The following LRP1B variants were observed in gnomAD, a reference collection of about 807,000 sequenced individuals.
LRP1B encodes LDL receptor related protein 1B.
Under a neutral mutation model 556.6 loss-of-function variants are expected in LRP1B, and 217 were observed. That is an observed-to-expected ratio of 0.39 (90% CI 0.35 to 0.44). LRP1B has a LOEUF of 0.44. Ranked by LOEUF, LRP1B falls within the 20% of genes least tolerant of loss-of-function variation. The pLI is 1.00. For missense variants in LRP1B, 5,053 were observed against 5,620.8 expected, an observed-to-expected ratio of 0.90 and a Z score of 3.23; for synonymous variants, 2,047 against 1,865.8, an observed-to-expected ratio of 1.10 and a Z score of -2.50.
intron 7 of LRP1B, among the ~76,000 whole-genome samples, chr2:141,086,561 A>T (rs1393604393): frequency 1.3e-5 from 2 of 152,194 alleles, no homozygotes; most frequent in African/African-American, 4.8e-5. Context: ...AGGTAAAAAT[A>T]AAAACATTTA....
intron 3 of LRP1B, among the ~76,000 whole-genome samples, chr2:141,303,701 C>T (rs1686479317): frequency 6.6e-6 from 1 of 152,122 alleles, no homozygotes; most frequent in South Asian, 2.1e-4. Flanking sequence ...CACAGCCTTG[C>T]TATTGTTAAT....
chr2:142,076,250 G>A (rs1342260695), intron 1 of LRP1B, among the ~76,000 whole-genome samples: 2 of 151,976 alleles, frequency 1.3e-5, no homozygotes, highest in African/African-American at 4.8e-5. Flanking sequence ...TTCCAAATGA[G>A]GGACATTTGC....
intron 35 of LRP1B, among the ~76,000 whole-genome samples, chr2:140,747,635 A>G (rs1688362397): frequency 6.6e-6 from 1 of 152,144 alleles, no homozygotes; most frequent in Non-Finnish European, 1.5e-5. Context: ...TTTTGGAAAT[A>G]CAATCTGCAG....
intron 1 of LRP1B, among the ~76,000 whole-genome samples, chr2:141,956,404 T>G (rs1212032688): frequency 6.6e-6 from 1 of 152,112 alleles, no homozygotes. Flanking sequence ...CCTGATAATA[T>G]TTTTACTTTT....
intron 59 of LRP1B, among the ~76,000 whole-genome samples, chr2:140,480,588 G>A (rs1178030274): frequency 2.6e-5 from 4 of 151,614 alleles, no homozygotes; most frequent in South Asian, 2.1e-4. Context: ...TTACAGGCCC[G>A]TGCCACCAAG....
At chr2:141,707,858 C>T (rs1003591838) in intron 2 of LRP1B, among the ~76,000 whole-genome samples, 5 of 152,182 alleles carry the variant, frequency 3.3e-5, no homozygotes, top group African/African-American at 1.2e-4. Flanking sequence ...TAAGACCCAA[C>T]AACTTGATAG....
At chr2:142,128,950 C>T (rs932296925) in intron 1 of LRP1B, among the ~76,000 whole-genome samples, 1 of 152,114 alleles carries the variant, frequency 6.6e-6, no homozygotes, top group African/African-American at 2.4e-5. Flanking sequence ...AGCAGTAGTT[C>T]TATCCTCATA....
intron 7 of LRP1B, among the ~76,000 whole-genome samples, chr2:141,117,726 T>C (rs1410965028): frequency 6.6e-6 from 1 of 152,010 alleles, no homozygotes; most frequent in Non-Finnish European, 1.5e-5. Flanking sequence ...TGGTTCCAAG[T>C]AAGCAATGGA....
rs544215130 is a variant in LRP1B, at chr2:141,763,610, C to A, written c.205+46669G>T. On this transcript the variant is annotated intron_variant, in intron 2 of 90. Coordinates refer to ENST00000389484, the MANE Select transcript of LRP1B (RefSeq NM_018557.3). ...TTGTTATGAAACTACGACATGATGGCCAGGTTTCAGTATGGTGTACAATTT... is the reference window on the plus strand; with the variant it reads ...TTGTTATGAAACTACGACATGATGGACAGGTTTCAGTATGGTGTACAATTT... 2.6e-5 allele frequency among the ~76,000 whole-genome samples: 4 copies of A among 152,076 alleles called. No homozygotes were observed. In the South Asian group the frequency reaches 8.3e-4, roughly 32 times the overall value.
chr2:140,833,842 T>TA (rs935203324), intron 31 of LRP1B, among the ~76,000 whole-genome samples: 9 of 152,256 alleles, frequency 5.9e-5, no homozygotes, highest in East Asian at 1.9e-4. Context: ...TTAAAGGGGT[T>TA]AAAAAAATCC....
intron 1 of LRP1B, among the ~76,000 whole-genome samples, chr2:141,854,726 A>G (rs1393008648): frequency 6.6e-6 from 1 of 152,118 alleles, no homozygotes; most frequent in Non-Finnish European, 1.5e-5. Context: ...AAAAACCTAG[A>G]AATGGATTGT....
At chr2:141,265,341 G>C (rs1684845283) in intron 3 of LRP1B, among the ~76,000 whole-genome samples, 2 of 152,134 alleles carry the variant, frequency 1.3e-5, no homozygotes, top group African/African-American at 4.8e-5. Context: ...CCAGAAAGGA[G>C]AGTAACCCCA....
intron 2 of LRP1B, among the ~76,000 whole-genome samples, chr2:141,739,792 C>T (rs1693629557): frequency 6.6e-6 from 1 of 151,842 alleles, no homozygotes; most frequent in Non-Finnish European, 1.5e-5. Flanking sequence ...TGGACTCAGC[C>T]AAATCCATAT....
intron 1 of LRP1B, among the ~76,000 whole-genome samples, chr2:142,028,365 A>C (rs1479193935): frequency 6.6e-6 from 1 of 151,988 alleles, no homozygotes; most frequent in Non-Finnish European, 1.5e-5. Flanking sequence ...CAACCCTTGC[A>C]AACACTGACC....
intron 2 of LRP1B, among the ~76,000 whole-genome samples, chr2:141,568,991 C>T (rs1686436451): frequency 6.6e-6 from 1 of 150,506 alleles, no homozygotes; most frequent in Non-Finnish European, 1.5e-5. Flanking sequence ...TGGTCTCAAA[C>T]TCCTGACCTC....
intron 14 of LRP1B, among the ~76,000 whole-genome samples, chr2:141,012,967 G>A (rs983856915): frequency 5.9e-5 from 9 of 151,826 alleles, no homozygotes; most frequent in Non-Finnish European, 1.2e-4. Flanking sequence ...GTAATGCTAT[G>A]TGTAGATGTC....
intron 1 of LRP1B, among the ~76,000 whole-genome samples, chr2:141,874,368 T>C (rs553917804): frequency 4.2e-5 from 6 of 142,962 alleles, no homozygotes; most frequent in African/African-American, 1.6e-4. Flanking sequence ...TTTCAAAATA[T>C]TATTTTGTTT....
intron 47 of LRP1B, among the ~76,000 whole-genome samples, chr2:140,526,955 C>T (rs978615812): frequency 1.3e-5 from 2 of 151,784 alleles, no homozygotes; most frequent in African/African-American, 4.8e-5. Context: ...AGAAAGTCAT[C>T]TATGCTATCT....
intron 2 of LRP1B, among the ~76,000 whole-genome samples, chr2:141,573,884 A>G (rs944787102): frequency 2.6e-5 from 4 of 152,180 alleles, no homozygotes; most frequent in African/African-American, 9.7e-5. Context: ...ACACTCTACC[A>G]TGACTAAACT....
Sources: gnomAD v4.1 joint callset for allele counts (sites outside exome capture counted in the v4.1 genomes callset) on GRCh38, gnomAD v4.1.1 for gene constraint, MANE v1.5 for transcripts, NCBI Gene and HGNC (gene_info 2026-07-23, HGNC 2026-07-21) for gene names.